SUPT3H: variants seen among roughly 807,000 people sequenced by gnomAD.
SUPT3H encodes SPT3 homolog, SAGA and STAGA complex component.
A neutral mutation model predicts 44.3 loss-of-function variants in SUPT3H; 44 were observed. The observed-to-expected ratio is 0.99, with a 90% CI of 0.78 to 1.28. The LOEUF (loss-of-function observed/expected upper bound fraction) is 1.28. Ranked by LOEUF, SUPT3H falls within the 50% of genes most tolerant of loss-of-function variation. The probability of loss-of-function intolerance (pLI) is 0.00; values close to 1 mark genes in which losing one functional copy is unlikely to be tolerated. For missense variants in SUPT3H, 380 were observed against 387.1 expected, an observed-to-expected ratio of 0.98 and a Z score of 0.15; for synonymous variants, 124 against 125.6, an observed-to-expected ratio of 0.99 and a Z score of 0.09.
chr6:45,324,014 A>G (rs1371353892), intron 2 of SUPT3H, among the ~76,000 whole-genome samples: 1 of 152,096 alleles, frequency 6.6e-6, no homozygotes, highest in African/African-American at 2.4e-5. Context: ...TAGTGTATGT[A>G]ACATTGCATT....
At chr6:45,202,585 ATAATTGTATCCAT>A (rs1762600716) in intron 2 of SUPT3H, among the ~76,000 whole-genome samples, 4 of 152,092 alleles carry the variant, frequency 2.6e-5, no homozygotes, top group Non-Finnish European at 5.9e-5. Context: ...GTTTGCCTAA[ATAATTGTATCCAT>A]AAACTTTTCC....
chr6:45,353,630 G>T (rs1173616998), intron 2 of SUPT3H, among the ~76,000 whole-genome samples: 1 of 151,668 alleles, frequency 6.6e-6, no homozygotes, highest in Non-Finnish European at 1.5e-5. Flanking sequence ...ACAAAACAAT[G>T]GATTAAATAT....
chr6:45,374,649 A>C (rs1305756175), intron 1 of SUPT3H, among the ~76,000 whole-genome samples: 3 of 151,436 alleles, frequency 2.0e-5, no homozygotes, highest in Non-Finnish European at 4.4e-5. Context: ...TTCACTATTC[A>C]ACCTCACCAT....
intron 3 of SUPT3H, among the ~76,000 whole-genome samples, chr6:45,051,148 C>T (rs929367893): frequency 2.0e-5 from 3 of 152,124 alleles, no homozygotes; most frequent in Non-Finnish European, 1.5e-5. Flanking sequence ...CTCGGCCTCC[C>T]AAAGTGCTGG....
chr6:45,295,535 A>C (rs554928379), intron 2 of SUPT3H, among the ~76,000 whole-genome samples: 18 of 143,474 alleles, frequency 1.3e-4, no homozygotes, highest in African/African-American at 4.4e-4. Context: ...AAAAAAAAAA[A>C]AAAAAAAAAA....
rs1770792393 is a variant in SUPT3H, at chr6:44,840,686, A to G, written c.913-10829T>C. Among the ~76,000 whole-genome samples, 4 of 152,212 alleles carry G rather than the reference A, an allele frequency of 2.6e-5. No individual in the cohort carries two copies. In the South Asian group the frequency reaches 8.3e-4, roughly 32 times the overall value. On this transcript the variant is annotated intron_variant, in intron 10 of 10. Coordinates refer to ENST00000371459, the MANE Select transcript of SUPT3H (RefSeq NM_003599.4). ...ATTTATTTAGTTAGTACAGATTGAC[A>G]CATTCACTATAGGATTTCAGCAATT...
intron 2 of SUPT3H, among the ~76,000 whole-genome samples, chr6:45,150,159 G>A (rs1320497392): frequency 6.6e-6 from 1 of 151,734 alleles, no homozygotes; most frequent in African/African-American, 2.4e-5. Flanking sequence ...ATGATTCCAG[G>A]AGCTACTCAT....
At chr6:45,322,109 A>G (rs2150039130) in intron 2 of SUPT3H, among the ~76,000 whole-genome samples, 1 of 152,196 alleles carries the variant, frequency 6.6e-6, no homozygotes, top group South Asian at 2.1e-4. Context: ...AAAAGTCTAG[A>G]GTGATCTCTA....
chr6:45,192,522 C>G (rs999422542), intron 2 of SUPT3H, among the ~76,000 whole-genome samples: 3 of 152,084 alleles, frequency 2.0e-5, no homozygotes, highest in African/African-American at 7.2e-5. Context: ...CCAAATAAGT[C>G]AGCCTAACAA....
chr6:45,098,543 G>A lies in SUPT3H; in HGVS notation c.186+7379C>T, dbSNP rs1308232755. The A allele has an allele frequency of 1.8e-5, 5 of 285,064 alleles. No individual in the cohort carries two copies. In the Admixed American group the frequency reaches 1.9e-4, roughly 11 times the overall value. 17.7% of individuals were successfully genotyped at this position (285,064 alleles called of 1,614,324 possible). A position where few individuals can be genotyped will look rare whatever the true frequency, so the allele number is the denominator to read the frequency against. ...CCTCCTGGGTGAAAGGAGAGTATAA[G>A]AGAGGAGAGGAACATCCATGCAGAC... On this transcript the variant is annotated intron_variant, in intron 3 of 10. Transcript: ENST00000371459.
chr6:45,049,503 T>A (rs1039488212), intron 3 of SUPT3H, among the ~76,000 whole-genome samples: 1 of 152,310 alleles, frequency 6.6e-6, no homozygotes, highest in African/African-American at 2.4e-5. Flanking sequence ...AGGTCCCCTT[T>A]TATTTTCCTA....
intron 2 of SUPT3H, among the ~76,000 whole-genome samples, chr6:45,155,010 C>A (rs1398993789): frequency 6.6e-6 from 1 of 151,902 alleles, no homozygotes; most frequent in Non-Finnish European, 1.5e-5. Context: ...AAACTCTGTT[C>A]ATCTTAGAAG....
chr6:44,889,696 G>A (rs1461530051), intron 10 of SUPT3H, among the ~76,000 whole-genome samples: 6 of 152,124 alleles, frequency 3.9e-5, no homozygotes, highest in Non-Finnish European at 5.9e-5. Context: ...CAGGACATAG[G>A]CATGGGCAAG....
chr6:45,283,402 A>C (rs1022073376), intron 2 of SUPT3H, among the ~76,000 whole-genome samples: 16 of 152,192 alleles, frequency 1.1e-4, no homozygotes, highest in African/African-American at 3.1e-4. Context: ...TCTACCAAGC[A>C]AATGGAAAAC....
chr6:45,254,330 C>A (rs1772971023), intron 2 of SUPT3H, among the ~76,000 whole-genome samples: 1 of 152,194 alleles, frequency 6.6e-6, no homozygotes. Context: ...ATTTCCTTTT[C>A]TCTTGTACTA....
At chr6:45,125,468 T>C (rs1349890646) in intron 2 of SUPT3H, among the ~76,000 whole-genome samples, 1 of 152,172 alleles carries the variant, frequency 6.6e-6, no homozygotes, top group Non-Finnish European at 1.5e-5. Flanking sequence ...GAAAATTAAG[T>C]GGTAGAAATG....
chr6:44,832,399 C>T (rs1347221453), intron 10 of SUPT3H, among the ~76,000 whole-genome samples: 3 of 152,224 alleles, frequency 2.0e-5, no homozygotes, highest in African/African-American at 7.2e-5. Context: ...ACAGACACTC[C>T]TAGTTAGTAA....
At chr6:45,357,576 G>A (rs911166956) in intron 2 of SUPT3H, among the ~76,000 whole-genome samples, 1 of 151,930 alleles carries the variant, frequency 6.6e-6, no homozygotes, top group African/African-American at 2.4e-5. Flanking sequence ...CTCCCCTGAC[G>A]TCAGCCCCTC....
At chr6:45,362,868 A>G (rs769134236) in intron 2 of SUPT3H, among the ~76,000 whole-genome samples, 6 of 152,160 alleles carry the variant, frequency 3.9e-5, no homozygotes, top group African/African-American at 7.2e-5. Context: ...CCCAAGGTCC[A>G]TCAAATGCAC....
Sources: allele counts gnomAD v4.1 joint callset (sites outside exome capture counted in the v4.1 genomes callset), GRCh38; gene constraint gnomAD v4.1.1; transcripts MANE v1.5; gene names NCBI Gene and HGNC (gene_info 2026-07-23, HGNC 2026-07-21).